RSF1: variants seen among roughly 807,000 people sequenced by gnomAD.
The protein encoded by RSF1 is HBV pX-associated protein 8.
In RSF1, 13 loss-of-function variants were observed where a neutral mutation model predicts 145.2. The ratio of observed to expected loss-of-function variants is 0.09; its 90% CI spans 0.06 to 0.14. The LOEUF is 0.14. Ranked by LOEUF, RSF1 falls within the 10% of genes least tolerant of loss-of-function variation. RSF1 has a pLI of 1.00. For synonymous variants in RSF1, 577 were observed against 592.6 expected, an observed-to-expected ratio of 0.97 and a Z score of 0.38; for missense variants, 1,517 against 1,718.2, an observed-to-expected ratio of 0.88 and a Z score of 2.07.
chr11:77,827,158 C>G, the RSF1 span, among the ~76,000 whole-genome samples: 42 of 152,082 alleles, frequency 2.8e-4, no homozygotes, highest in Middle Eastern at 3.4e-3. Flanking sequence ...CCCCGCCCCC[C>G]TCAGAAAAGA....
intron 5 of RSF1, among the ~76,000 whole-genome samples, chr11:77,713,472 G>T (rs1960735367): frequency 6.6e-6 from 1 of 152,090 alleles, no homozygotes; most frequent in Non-Finnish European, 1.5e-5. Context: ...GGATACGCAA[G>T]GTATTTCTTT....
chr11:77,851,160 G>C, the RSF1 span, among the ~76,000 whole-genome samples: 1 of 151,910 alleles, frequency 6.6e-6, no homozygotes, highest in African/African-American at 2.4e-5. Context: ...TCACCATCTT[G>C]GCCAGGCTGG....
chr11:77,686,092 C>T (rs535777285), intron 9 of RSF1, among the ~76,000 whole-genome samples: 1 of 152,028 alleles, frequency 6.6e-6, no homozygotes, highest in East Asian at 1.9e-4. Context: ...AAGAAACAAA[C>T]CTTTGTTGAT....
At chr11:77,765,722 G>C (rs1231000283) in intron 1 of RSF1, among the ~76,000 whole-genome samples, 1 of 152,166 alleles carries the variant, frequency 6.6e-6, no homozygotes, top group Non-Finnish European at 1.5e-5. Flanking sequence ...AGACCAGAGG[G>C]ACACATACGG....
At chr11:77,840,436 G>C in the RSF1 span, among the ~76,000 whole-genome samples, 2 of 152,114 alleles carry the variant, frequency 1.3e-5, no homozygotes, top group Non-Finnish European at 2.9e-5. Flanking sequence ...GGCTGAGGCA[G>C]GATAATCACT....
the RSF1 span, among the ~76,000 whole-genome samples, chr11:77,843,197 T>A: frequency 1.3e-5 from 2 of 152,240 alleles, no homozygotes; most frequent in Non-Finnish European, 2.9e-5. Flanking sequence ...TTCATTGTTT[T>A]GTTTTTATTA....
chr11:77,792,719 T>C (rs1948531931), intron 1 of RSF1, among the ~76,000 whole-genome samples: 1 of 150,132 alleles, frequency 6.7e-6, no homozygotes, highest in Non-Finnish European at 1.5e-5. Context: ...GAGAATGTAA[T>C]GACATATTCA....
rs568337828 is a variant in RSF1 at position 77,698,603 on chromosome 11, T to C, written c.2599A>G (p.Ser867Gly). Residue 867 changes from serine to glycine, a missense_variant, in exon 7 of 16, where the codon AGT becomes GGT. By Grantham distance (56) the Ser-to-Gly change is moderately conservative. Transcript: ENST00000308488. ...SSNDESEGSG[S>G]EKSSAASEEE... is the part of the protein sequence containing the mutation. Reference sequence around the variant, plus strand: ...TCTGAAGCTGCAGATGATTTTTCACTGCCAGACCCTTCACTTTCATCATTG... The same window carrying C: ...TCTGAAGCTGCAGATGATTTTTCACCGCCAGACCCTTCACTTTCATCATTG... 2 of 1,614,176 alleles carry C rather than the reference T, an allele frequency of 1.2e-6. No homozygotes were observed. Among genetic ancestry groups the C allele is most frequent in the Admixed American group, 1.7e-5 (1 of 60,030 alleles).
Position 77,663,082 on chromosome 11 carries a change from T to C in RSF1, c.*3835A>G, listed in dbSNP as rs531499105. 2.6e-5 allele frequency: 4 copies of C among 152,356 alleles called. No individual in the cohort carries two copies. In the South Asian group the frequency reaches 8.3e-4, roughly 32 times the overall value. The allele number at this position is 152,356 out of a possible 1,614,324, so 9.4% of individuals were successfully genotyped here. On this transcript the variant is annotated 3_prime_UTR_variant, in exon 16 of 16. Coordinates refer to ENST00000308488, the MANE Select transcript of RSF1 (RefSeq NM_016578.4). ...TCTGGGTCTTTGAATAGTTGTTCTATAGCTGTGAGGCATCACCTTGAATAA... is the reference window on the plus strand; with the variant it reads ...TCTGGGTCTTTGAATAGTTGTTCTACAGCTGTGAGGCATCACCTTGAATAA...
intron 1 of RSF1, among the ~76,000 whole-genome samples, chr11:77,785,935 A>G (rs1948451672): frequency 6.8e-6 from 1 of 147,618 alleles, no homozygotes; most frequent in Non-Finnish European, 1.5e-5. Context: ...CAAAAAAAAA[A>G]AAAAAAAAAA....
intron 10 of RSF1, 125 bp downstream of exon 10, chr11:77,684,980 T>A (rs909547925): frequency 2.3e-6 from 1 of 430,086 alleles, no homozygotes; most frequent in Non-Finnish European, 3.9e-6. Flanking sequence ...AGAACGAAAC[T>A]CCATCTCGAA....
At chr11:77,711,625 G>A (rs557421921) in intron 5 of RSF1, among the ~76,000 whole-genome samples, 2 of 152,148 alleles carry the variant, frequency 1.3e-5, no homozygotes, top group South Asian at 2.1e-4. Context: ...AGCCCAGATC[G>A]AGCCATTGCA....
chr11:77,694,085 T>C (rs542481500), intron 7 of RSF1, among the ~76,000 whole-genome samples: 1 of 152,172 alleles, frequency 6.6e-6, no homozygotes, highest in East Asian at 1.9e-4. Flanking sequence ...GCCCAGCCCA[T>C]GCTAATTTTT....
chr11:77,853,183 T>G, the RSF1 span, among the ~76,000 whole-genome samples: 4 of 152,232 alleles, frequency 2.6e-5, no homozygotes, highest in African/African-American at 9.6e-5. Context: ...AATTTTAAAA[T>G]GTAGAAATGT....
chr11:77,794,692 A>G (rs923967193), intron 1 of RSF1, among the ~76,000 whole-genome samples: 1 of 152,148 alleles, frequency 6.6e-6, no homozygotes, highest in Non-Finnish European at 1.5e-5. Context: ...CATAGAAGGA[A>G]TATACCTCAA....
intron 1 of RSF1, among the ~76,000 whole-genome samples, chr11:77,779,630 C>A: frequency 6.6e-6 from 1 of 152,148 alleles, no homozygotes; most frequent in Non-Finnish European, 1.5e-5. Flanking sequence ...GATCTGCCCA[C>A]CTCAGCCTGG....
chr11:77,734,928 G>A (rs565075343), intron 4 of RSF1: 82 of 1,589,036 alleles, frequency 5.2e-5, no homozygotes, highest in Middle Eastern at 1.7e-4. Context: ...ACAGGTAAAC[G>A]TAGGAGGCAC....
intron 1 of RSF1, among the ~76,000 whole-genome samples, chr11:77,789,608 C>G (rs1948496188): frequency 6.6e-6 from 1 of 152,206 alleles, no homozygotes; most frequent in South Asian, 2.1e-4. Context: ...ACCCACCAGT[C>G]TAAGCTACTA....
chr11:77,697,720 C>T (rs888408197), intron 7 of RSF1, among the ~76,000 whole-genome samples: 5 of 150,998 alleles, frequency 3.3e-5, no homozygotes, highest in Admixed American at 6.6e-5. Context: ...AAATTGTAGT[C>T]GGTATATAGC....
Sources: gnomAD v4.1 joint callset for allele counts (sites outside exome capture counted in the v4.1 genomes callset) on GRCh38, gnomAD v4.1.1 for gene constraint, MANE v1.5 for transcripts, NCBI Gene and HGNC (gene_info 2026-07-23, HGNC 2026-07-21) for gene names.